RIMS2: variants seen among roughly 807,000 people sequenced by gnomAD.
RIMS2 encodes the protein regulating synaptic membrane exocytosis protein 2.
A neutral mutation model predicts 174.4 loss-of-function variants in RIMS2; 59 were observed. The observed-to-expected ratio is 0.34, with a 90% CI of 0.27 to 0.42. The LOEUF (loss-of-function observed/expected upper bound fraction) is 0.42, where lower values mean the gene tolerates loss of function less well. Among genes scored for constraint, RIMS2 ranks in the 10% least tolerant of loss-of-function variants. The pLI is 1.00. For synonymous variants in RIMS2, 606 were observed against 572.5 expected, an observed-to-expected ratio of 1.06 and a Z score of -0.84; for missense variants, 1,620 against 1,666.3, an observed-to-expected ratio of 0.97 and a Z score of 0.48.
chr8:103,755,217 G>A (rs1415443355), intron 2 of RIMS2, among the ~76,000 whole-genome samples: 1 of 152,156 alleles, frequency 6.6e-6, no homozygotes, highest in Non-Finnish European at 1.5e-5. Flanking sequence ...TGAAATTCTG[G>A]GTTGGAGAAT....
chr8:103,502,955 G>T (rs1821130396), intron 1 of RIMS2, among the ~76,000 whole-genome samples: 1 of 151,734 alleles, frequency 6.6e-6, no homozygotes, highest in East Asian at 1.9e-4. Flanking sequence ...TTGTAAAAGG[G>T]TTTTTCAGGT....
chr8:103,794,916 A>C (rs2098537461), intron 3 of RIMS2, among the ~76,000 whole-genome samples: 1 of 152,228 alleles, frequency 6.6e-6, no homozygotes, highest in African/African-American at 2.4e-5. Flanking sequence ...AATGGCGATC[A>C]TTAAAAAGTC....
intron 3 of RIMS2, among the ~76,000 whole-genome samples, chr8:103,879,243 T>C (rs796339023): frequency 6.6e-6 from 1 of 151,268 alleles, no homozygotes; most frequent in African/African-American, 2.4e-5. Flanking sequence ...AGATGATTGA[T>C]AGAGAAAGGC....
At chr8:103,687,023 T>A (rs544148328) in intron 1 of RIMS2, among the ~76,000 whole-genome samples, 2 of 152,164 alleles carry the variant, frequency 1.3e-5, no homozygotes, top group Non-Finnish European at 2.9e-5. Flanking sequence ...GTAGAATTGG[T>A]ATTATTTCTT....
At chr8:103,503,995 A>G (rs1295913999) in intron 1 of RIMS2, among the ~76,000 whole-genome samples, 1 of 152,096 alleles carries the variant, frequency 6.6e-6, no homozygotes, top group East Asian at 1.9e-4. Context: ...TATCATCATC[A>G]AATAATACCA....
intron 19 of RIMS2, among the ~76,000 whole-genome samples, chr8:104,159,209 T>C (rs775836551): frequency 6.6e-5 from 10 of 152,194 alleles, no homozygotes; most frequent in African/African-American, 2.4e-4. Flanking sequence ...TGGTTGTAGA[T>C]GTGTGTTGTT....
chr8:103,943,068 C>A, intron 14 of RIMS2, 142 bp downstream of exon 16: 1 of 633,618 alleles, frequency 1.6e-6, no homozygotes, highest in Non-Finnish European at 2.6e-6. Context: ...TGTTTGAAAA[C>A]AATTGTTTGA....
chr8:103,549,328 A>G (rs2131524649), intron 1 of RIMS2, among the ~76,000 whole-genome samples: 1 of 152,344 alleles, frequency 6.6e-6, no homozygotes, highest in South Asian at 2.1e-4. Flanking sequence ...ACAATCTTAA[A>G]GAAAAGAATT....
intron 1 of RIMS2, among the ~76,000 whole-genome samples, chr8:103,654,269 C>G (rs1189641134): frequency 1.3e-5 from 2 of 151,902 alleles, no homozygotes; most frequent in East Asian, 3.9e-4. Context: ...TTGTGAGTAA[C>G]TTTTAAAAAA....
At chr8:103,652,600 C>T (rs745648465) in intron 1 of RIMS2, 24 bp from the exon 3 acceptor site, 1 of 1,231,136 alleles carries the variant, frequency 8.1e-7, no homozygotes, top group Non-Finnish European at 1.1e-6. Context: ...GTTATTCAGT[C>T]ACATTATTTG....
intron 3 of RIMS2, among the ~76,000 whole-genome samples, chr8:103,861,086 G>A (rs12114257): frequency 0.036 from 5,464 of 151,922 alleles, 309 homozygotes; most frequent in African/African-American, 0.12. Context: ...CCCAAATAGT[G>A]ACCATCATAC....
intron 19 of RIMS2, among the ~76,000 whole-genome samples, chr8:104,114,861 A>AT (rs1183359581): frequency 1.3e-5 from 2 of 151,956 alleles, no homozygotes; most frequent in Non-Finnish European, 2.9e-5. Context: ...TTAATAACTA[A>AT]TTTTTTAATT....
chr8:104,039,256 A>C (rs1157425596), intron 19 of RIMS2, among the ~76,000 whole-genome samples: 1 of 151,692 alleles, frequency 6.6e-6, no homozygotes, highest in Non-Finnish European at 1.5e-5. Flanking sequence ...ACATGTTTTT[A>C]TTGGGTCATA....
At chr8:103,739,272 C>T (rs530884497) in intron 2 of RIMS2, among the ~76,000 whole-genome samples, 3 of 152,188 alleles carry the variant, frequency 2.0e-5, no homozygotes, top group South Asian at 2.1e-4. Context: ...AGCAAACTAT[C>T]GCAAGGACAA....
chr8:103,715,245 T>C (rs1037056566), intron 2 of RIMS2, among the ~76,000 whole-genome samples: 8 of 152,178 alleles, frequency 5.3e-5, no homozygotes, highest in Non-Finnish European at 1.0e-4. Flanking sequence ...GGTGGTTTGC[T>C]GCACCTATCA....
At chr8:103,851,423 TTAAAA>T (rs1285545687) in intron 3 of RIMS2, among the ~76,000 whole-genome samples, 2 of 151,742 alleles carry the variant, frequency 1.3e-5, no homozygotes, top group African/African-American at 2.4e-5. Context: ...GAATGATTCC[TTAAAA>T]TAAGAATAGA....
In RIMS2 at chr8:104,121,885, C is replaced by T. The variant is rs189683584; in HGVS notation, c.3334+107270C>T. ...CTGAGGCAGGAGAATCACTTGAATC[C>T]GGAAGGCGGAGGTTGCAGTGAGCAT... On this transcript the variant is annotated intron_variant, in intron 19 of 23. Transcript: ENST00000504942. Among the ~76,000 whole-genome samples the T allele has an allele frequency of 1.1e-3, 167 of 152,188 alleles. 1 individual carries two copies. In the East Asian group the frequency reaches 0.021, roughly 19 times the overall value.
At chr8:103,600,871 C>T (rs2094702917) in intron 1 of RIMS2, among the ~76,000 whole-genome samples, 3 of 151,920 alleles carry the variant, frequency 2.0e-5, no homozygotes, top group African/African-American at 7.3e-5. Context: ...TTATTGCCTG[C>T]CTTTTGGATA....
chr8:103,980,492 C>T (rs2093806566), intron 16 of RIMS2, among the ~76,000 whole-genome samples: 2 of 152,178 alleles, frequency 1.3e-5, no homozygotes, highest in South Asian at 2.1e-4. Flanking sequence ...TGACTCAGCA[C>T]ATTCCCACCA....
Sources: allele counts gnomAD v4.1 joint callset (sites outside exome capture counted in the v4.1 genomes callset), GRCh38; gene constraint gnomAD v4.1.1; transcripts MANE v1.5; gene names NCBI Gene and HGNC (gene_info 2026-07-23, HGNC 2026-07-21).